Variants in TNFRSF10C observed in about 807,000 individuals in gnomAD.
TNFRSF10C encodes tumor necrosis factor receptor superfamily member 10C.
TNFRSF10C carries 17 observed loss-of-function variants against 16.7 expected under a neutral mutation model. The observed-to-expected ratio is 1.02, with a 90% CI of 0.70 to 1.53. The LOEUF (loss-of-function observed/expected upper bound fraction) is 1.53. Ranked by LOEUF, TNFRSF10C falls within the 40% of genes most tolerant of loss-of-function variation. The pLI, the probability that TNFRSF10C is intolerant of heterozygous loss-of-function variation, is 0.00. For synonymous variants in TNFRSF10C, 73 were observed against 119.7 expected (o/e 0.61, Z 2.55); for missense variants, 237 against 329.7 (o/e 0.72, Z 2.18).
intron 1 of TNFRSF10C, among the ~76,000 whole-genome samples, chr8:23,104,267 C>T (rs1347878294): frequency 6.6e-6 from 1 of 152,178 alleles, no homozygotes; most frequent in Non-Finnish European, 1.5e-5. Context: ...TCAGTCTTGC[C>T]TTATTAAATG....
chr8:23,103,220 A>C (rs761318825), intron 1 of TNFRSF10C, 39 bp downstream of exon 1: 1 of 1,595,450 alleles, frequency 6.3e-7, no homozygotes, highest in African/African-American at 1.3e-5. Context: ...GGAAGAGCGC[A>C]CCTGGCGCCG....
chr8:23,103,092 AG>A lies in TNFRSF10C; in HGVS notation c.-28del. On this transcript the variant is annotated 5_prime_UTR_variant, in exon 1 of 5. Transcript: ENST00000356864. ...TGATGGCCGAGGCAGGGTGCGACCC[AG>A]GACCCAGGACGGCGTCGGGAACCAT... The A allele has an allele frequency of 6.2e-7, 1 of 1,604,858 alleles. No homozygotes were observed.
intron 1 of TNFRSF10C, among the ~76,000 whole-genome samples, chr8:23,106,252 T>C (rs1227725291): frequency 6.6e-6 from 1 of 152,108 alleles, no homozygotes; most frequent in Non-Finnish European, 1.5e-5. Context: ...GAAGGAGGCC[T>C]GAGATCTCAC....
chr8:23,104,148 C>G (rs999315488), intron 1 of TNFRSF10C, among the ~76,000 whole-genome samples: 1 of 152,154 alleles, frequency 6.6e-6, no homozygotes, highest in Admixed American at 6.5e-5. Context: ...GACAGTGGCC[C>G]TGAAGAGAGA....
intron 1 of TNFRSF10C, among the ~76,000 whole-genome samples, chr8:23,106,408 T>G (rs1813777043): frequency 6.6e-6 from 1 of 151,210 alleles, no homozygotes; most frequent in African/African-American, 2.4e-5. Flanking sequence ...GAAGCTCTCC[T>G]TTAGATGCCC....
chr8:23,106,350 G>A (rs1387717828), intron 1 of TNFRSF10C, among the ~76,000 whole-genome samples: 1 of 152,122 alleles, frequency 6.6e-6, no homozygotes, highest in Non-Finnish European at 1.5e-5. Context: ...TGTTGGCCTG[G>A]AAGATGTGGT....
intron 1 of TNFRSF10C, 49 bp downstream of exon 1, chr8:23,103,230 G>A (rs749917314): frequency 6.3e-7 from 1 of 1,589,040 alleles, no homozygotes; most frequent in African/African-American, 1.3e-5. Context: ...ACCTGGCGCC[G>A]GGAGGGGGCA....
intron 1 of TNFRSF10C, among the ~76,000 whole-genome samples, chr8:23,110,426 A>C (rs920157449): frequency 1.3e-5 from 2 of 152,238 alleles, no homozygotes. Context: ...TCCCAACTTA[A>C]AGAAAAGTTA....
At position 23,114,094 on chromosome 8, in the gene TNFRSF10C, T is replaced by C. The variant is rs143037062; in HGVS notation, c.167-563T>C. ...TGGTGATTTGGGCTGATATTTAAAG[T>C]TGGACAGGGCCAGTCTTGCAGAGAG... is the stretch of plus-strand genomic sequence containing the variant. On this transcript the variant is annotated intron_variant, in intron 2 of 4. Coordinates refer to ENST00000356864, the MANE Select transcript of TNFRSF10C (RefSeq NM_003841.5). Among the ~76,000 whole-genome samples the C allele has an allele frequency of 1.9e-3, 293 of 152,108 alleles. 1 individual carries two copies. The East Asian group carries it at 0.036, about 19-fold the overall frequency.
chr8:23,113,004 C>T (rs533293214), intron 2 of TNFRSF10C, among the ~76,000 whole-genome samples: 38 of 152,250 alleles, frequency 2.5e-4, no homozygotes, highest in Non-Finnish European at 4.9e-4. Flanking sequence ...TGGTAATAGC[C>T]ATTCTTACAG....
chr8:23,114,232 G>T (rs1428237908), intron 2 of TNFRSF10C, among the ~76,000 whole-genome samples: 1 of 151,890 alleles, frequency 6.6e-6, no homozygotes, highest in Non-Finnish European at 1.5e-5. Flanking sequence ...CAGCAAACAG[G>T]TCAGGTGGAC....
Position 23,114,653 on chromosome 8 carries a change from C to T in TNFRSF10C, c.167-4C>T. On this transcript the variant is annotated splice_region_variant and splice_polypyrimidine_tract_variant and intron_variant, in intron 2 of 4. Transcript: ENST00000356864. ...CATTCATTGGCTTTTCTCTTCCTTC[C>T]CAGGATCTCATAGATCAGAACATAC... 2 of 1,611,604 alleles carry T rather than the reference C, an allele frequency of 1.2e-6. No homozygotes were observed. The highest frequency in any genetic ancestry group is 1.7e-6 in the Non-Finnish European group (2 of 1,177,838).
intron 1 of TNFRSF10C, among the ~76,000 whole-genome samples, chr8:23,109,666 A>G (rs1281636602): frequency 6.6e-6 from 1 of 151,952 alleles, no homozygotes. Context: ...AAAGAAAATT[A>G]TGGCCTGAGG....
At chr8:23,103,858 A>G (rs1204408789) in intron 1 of TNFRSF10C, among the ~76,000 whole-genome samples, 1 of 152,224 alleles carries the variant, frequency 6.6e-6, no homozygotes, top group Non-Finnish European at 1.5e-5. Flanking sequence ...ATTATGTATA[A>G]AATATGCAGA....
chr8:23,105,893 T>C (rs12115044), intron 1 of TNFRSF10C, among the ~76,000 whole-genome samples: 2,687 of 152,206 alleles, frequency 0.018, 70 homozygotes, highest in African/African-American at 0.061. Flanking sequence ...GTTTTACAAG[T>C]GGTAAAATGA....
chr8:23,110,069 C>CAA (rs56263402), intron 1 of TNFRSF10C, among the ~76,000 whole-genome samples: 6,831 of 39,552 alleles, frequency 0.17, 2,016 homozygotes, highest in South Asian at 0.21. Flanking sequence ...ACCCTGTCTC[C>CAA]AAAAAAAAAA....
intron 1 of TNFRSF10C, 126 bp downstream of exon 1, chr8:23,103,307 C>T: frequency 6.7e-7 from 1 of 1,490,382 alleles, no homozygotes; most frequent in Non-Finnish European, 9.1e-7. Context: ...CCGGGCAGGA[C>T]GAACTCGCCG....
At chr8:23,114,992 G>A (rs926584535) in intron 3 of TNFRSF10C, among the ~76,000 whole-genome samples, 1 of 152,214 alleles carries the variant, frequency 6.6e-6, no homozygotes, top group Non-Finnish European at 1.5e-5. Flanking sequence ...GCAAGAGGGT[G>A]GGGGGATCAT....
intron 1 of TNFRSF10C, among the ~76,000 whole-genome samples, chr8:23,106,095 G>A (rs1441846294): frequency 6.6e-6 from 1 of 152,224 alleles, no homozygotes; most frequent in Non-Finnish European, 1.5e-5. Flanking sequence ...GAAGTAAACA[G>A]TGAGCCCTTT....
Sources: allele counts gnomAD v4.1 joint callset (sites outside exome capture counted in the v4.1 genomes callset), GRCh38; gene constraint gnomAD v4.1.1; transcripts MANE v1.5; gene names NCBI Gene and HGNC (gene_info 2026-07-23, HGNC 2026-07-21).